Variants in CCAR1 observed in about 807,000 individuals in gnomAD.
The protein encoded by CCAR1 is cell division cycle and apoptosis regulator 1.
In CCAR1, 78 loss-of-function variants were observed where a neutral mutation model predicts 163.8. The observed-to-expected ratio is 0.48, with a 90% CI of 0.40 to 0.57. The LOEUF (loss-of-function observed/expected upper bound fraction) is 0.57. CCAR1 is among the 20% of genes least tolerant of loss of function. The pLI is 0.00. For synonymous variants in CCAR1, 443 were observed against 460.7 expected, an observed-to-expected ratio of 0.96 and a Z score of 0.49; for missense variants, 1,019 against 1,365.2, an observed-to-expected ratio of 0.75 and a Z score of 4.00.
intron 17 of CCAR1, among the ~76,000 whole-genome samples, 174 bp from the exon 18 acceptor site, chr10:68,771,032 C>T (rs1471689033): frequency 4.6e-5 from 7 of 151,876 alleles, no homozygotes; most frequent in South Asian, 2.1e-4. Flanking sequence ...GAGCCAAGAT[C>T]GTGCCGCTGC....
intron 19 of CCAR1, among the ~76,000 whole-genome samples, chr10:68,784,536 T>G (rs1311528748): frequency 6.6e-6 from 1 of 151,932 alleles, no homozygotes; most frequent in Non-Finnish European, 1.5e-5. Flanking sequence ...TTAAAAGAGG[T>G]TATTCTGTGG....
chr10:68,784,218 ATATT>A (rs1427793646), intron 19 of CCAR1, among the ~76,000 whole-genome samples: 8 of 150,514 alleles, frequency 5.3e-5, no homozygotes, highest in South Asian at 4.2e-4. Flanking sequence ...CTCTATTTAT[ATATT>A]TATTTATTTA....
chr10:68,766,505 C>T (rs570339353), intron 17 of CCAR1, among the ~76,000 whole-genome samples: 16 of 149,862 alleles, frequency 1.1e-4, no homozygotes, highest in Non-Finnish European at 2.1e-4. Flanking sequence ...GCCCGTATCT[C>T]TGAAATCTCT....
At chr10:68,782,610 CTT>C (rs2056749881) in intron 19 of CCAR1, among the ~76,000 whole-genome samples, 1 of 152,166 alleles carries the variant, frequency 6.6e-6, no homozygotes, top group African/African-American at 2.4e-5. Context: ...GACAAGTTGA[CTT>C]TCTTGTTAGG....
At chr10:68,722,396 T>C (rs528386138) in intron 1 of CCAR1, 59 bp from the exon 2 acceptor site, 4 of 854,946 alleles carry the variant, frequency 4.7e-6, no homozygotes, top group African/African-American at 3.3e-5. Flanking sequence ...TATTGTAATA[T>C]CCTTTTGTGA....
chr10:68,722,177 TA>T (rs1379197826), intron 1 of CCAR1, among the ~76,000 whole-genome samples: 5 of 152,234 alleles, frequency 3.3e-5, no homozygotes, highest in African/African-American at 9.6e-5. Flanking sequence ...GGTCTTCGTT[TA>T]AATGTGACAA....
intron 19 of CCAR1, among the ~76,000 whole-genome samples, chr10:68,781,278 C>T (rs370345196): frequency 1.3e-5 from 2 of 151,980 alleles, no homozygotes; most frequent in South Asian, 2.1e-4. Context: ...TGCGGTGGCT[C>T]ATACCTGTAA....
At chr10:68,721,769 A>G in intron 1 of CCAR1, 1 of 301,598 alleles carries the variant, frequency 3.3e-6, no homozygotes, top group African/African-American at 2.3e-5. Context: ...GACTGGAGGA[A>G]GATGGACGGC....
intron 6 of CCAR1, among the ~76,000 whole-genome samples, chr10:68,742,986 G>A (rs989901522): frequency 2.0e-5 from 3 of 151,380 alleles, no homozygotes; most frequent in Admixed American, 1.3e-4. Flanking sequence ...AGGCTGGAGT[G>A]CAGTGGCGTG....
chr10:68,738,665 T>C (rs943056790), intron 4 of CCAR1, among the ~76,000 whole-genome samples: 1 of 152,312 alleles, frequency 6.6e-6, no homozygotes, highest in Non-Finnish European at 1.5e-5. Context: ...ACAGCCTTTA[T>C]TTCTTTCAAG....
intron 2 of CCAR1, among the ~76,000 whole-genome samples, chr10:68,736,252 G>T (rs1198855403): frequency 6.6e-6 from 1 of 152,058 alleles, no homozygotes; most frequent in Non-Finnish European, 1.5e-5. Context: ...AAGTTTTATA[G>T]ATAATATATA....
At chr10:68,781,065 C>A (rs1445844643) in intron 19 of CCAR1, among the ~76,000 whole-genome samples, 1 of 151,826 alleles carries the variant, frequency 6.6e-6, no homozygotes, top group Non-Finnish European at 1.5e-5. Context: ...AACCCTGTCT[C>A]TACTAAAAAT....
chr10:68,787,818 A>T (rs2056812501), intron 21 of CCAR1, 109 bp from the exon 22 acceptor site: 1 of 1,088,572 alleles, frequency 9.2e-7, no homozygotes, highest in African/African-American at 1.6e-5. Context: ...TTGGGCGACA[A>T]GAGCAAGACT....
rs2056532633 is a variant in CCAR1, at chr10:68,766,158, C to A, written c.2298+79C>A. On this transcript the variant is annotated intron_variant, in intron 17 of 24. Transcript: ENST00000265872. ...GTTAATATATCTCTATCTCTGAAAT[C>A]TTTTTTCTTTGTTTTTCGCTTTTCG... 2.0e-5 allele frequency: 18 copies of A among 889,162 alleles called. No homozygotes were observed. In the South Asian group the frequency reaches 2.9e-4, roughly 14 times the overall value. 55.1% of individuals were successfully genotyped at this position (889,162 alleles called of 1,614,324 possible). A position where few individuals can be genotyped will look rare whatever the true frequency, so the allele number is the denominator to read the frequency against.
At chr10:68,729,496 C>T (rs1337846384) in intron 2 of CCAR1, among the ~76,000 whole-genome samples, 1 of 151,702 alleles carries the variant, frequency 6.6e-6, no homozygotes, top group Non-Finnish European at 1.5e-5. Context: ...GTCTTGATCT[C>T]CTGACCTTGT....
chr10:68,727,508 C>T (rs1316284330), intron 2 of CCAR1, among the ~76,000 whole-genome samples: 1 of 152,134 alleles, frequency 6.6e-6, no homozygotes, highest in Non-Finnish European at 1.5e-5. Flanking sequence ...TCTCATTCGT[C>T]TGCAAAAGTA....
intron 19 of CCAR1, among the ~76,000 whole-genome samples, chr10:68,784,993 C>G (rs1320010127): frequency 6.8e-6 from 1 of 148,132 alleles, no homozygotes; most frequent in African/African-American, 2.5e-5. Flanking sequence ...TCTCGGCTCA[C>G]TACAAGCTCC....
At position 68,788,134 on chromosome 10, in the gene CCAR1, A is replaced by T; in HGVS notation, c.3002-9A>T. The T allele has an allele frequency of 6.8e-7, 1 of 1,474,214 alleles. No individual in the cohort carries two copies. Among genetic ancestry groups the T allele is most frequent in the Non-Finnish European group, 9.2e-7 (1 of 1,090,042 alleles). 91.3% of individuals were successfully genotyped at this position (1,474,214 alleles called of 1,614,324 possible). A position where few individuals can be genotyped will look rare whatever the true frequency, so the allele number is the denominator to read the frequency against. ...AACTTACTAAAATATGGTATATTTT[A>T]TATTATAGGAAACAGATTATTACTT... is the stretch of plus-strand genomic sequence containing the variant. On this transcript the variant is annotated splice_polypyrimidine_tract_variant and intron_variant, in intron 22 of 24. Coordinates refer to ENST00000265872, the MANE Select transcript of CCAR1 (RefSeq NM_018237.4).
At chr10:68,750,207 CTTTTTTCT>C (rs555437386) in intron 10 of CCAR1, among the ~76,000 whole-genome samples, 1,355 of 116,486 alleles carry the variant, frequency 0.012, 11 homozygotes, top group African/African-American at 0.032. Context: ...TTTCTTTTTT[CTTTTTTCT>C]TTTTTTTTTT....
Sources: gnomAD v4.1 joint callset for allele counts (sites outside exome capture counted in the v4.1 genomes callset) on GRCh38, gnomAD v4.1.1 for gene constraint, MANE v1.5 for transcripts, NCBI Gene and HGNC (gene_info 2026-07-23, HGNC 2026-07-21) for gene names.